Variants in SLC5A4 observed in about 807,000 individuals in gnomAD.
SLC5A4 encodes the protein probable glucose sensor protein SLC5A4.
In SLC5A4, 55 loss-of-function variants were observed where a neutral mutation model predicts 70.3. That is an observed-to-expected ratio of 0.78 (90% CI 0.63 to 0.98). SLC5A4 has a LOEUF of 0.98. SLC5A4 is among the 50% of genes least tolerant of loss of function. The probability of loss-of-function intolerance (pLI) is 0.00; values close to 1 mark genes in which losing one functional copy is unlikely to be tolerated. For synonymous variants in SLC5A4, 268 were observed against 305.7 expected, an observed-to-expected ratio of 0.88 and a Z score of 1.29; for missense variants, 735 against 839.2, an observed-to-expected ratio of 0.88 and a Z score of 1.53.
chr22:32,309,819 G>A, the SLC5A4 span, among the ~76,000 whole-genome samples: 2 of 151,830 alleles, frequency 1.3e-5, no homozygotes, highest in African/African-American at 4.8e-5. Context: ...GGCTTGTGGG[G>A]GTGACCTGCG....
In SLC5A4 at chr22:32,225,684, C is replaced by G. The variant is rs376783503; in HGVS notation, c.1420G>C (p.Ala474Pro). The change falls in exon 12 of 15, where the codon GCC becomes CCC. Residue 474 changes from alanine (A) to proline (P), a missense_variant. Physicochemically the swap from Ala to Pro is conservative, Grantham distance 27. Transcript: ENST00000266086. ...TCATTGACTCTTTTACAGAAGATGG[C>G]AAGCACAAAGACAGCTGCAATTGGA... Reference protein sequence around the residue: ...GPPIAAVFVLAIFCKRVNEQG... With the variant: ...GPPIAAVFVLPIFCKRVNEQG... 2.7e-5 allele frequency: 43 copies of G among 1,612,198 alleles called. No homozygotes were observed. Among genetic ancestry groups the G allele is most frequent in the Admixed American group, 1.2e-4 (7 of 59,652 alleles).
rs1925850180 is a variant in SLC5A4, at chr22:32,232,996, A to T, written c.924T>A (p.Ser308=). The T allele has an allele frequency of 1.2e-6, 2 of 1,614,148 alleles. No individual in the cohort carries two copies. The highest frequency in any genetic ancestry group is 1.7e-6 in the Non-Finnish European group (2 of 1,179,994). The change falls in exon 9 of 15, where the codon TCT becomes TCA. Residue 308 remains serine (S), a synonymous_variant. Coordinates refer to ENST00000266086, the MANE Select transcript of SLC5A4 (RefSeq NM_014227.3). ...ACATAATGCAAGCGGCCTTCACGTG[A>T]GACATGTCCTTGCCACACAGGCAGC... ...VQRCLCGKDM[S]HVKAACIMCA...
chr22:32,251,149 C>CAAAAA (rs1169115054), intron 3 of SLC5A4, among the ~76,000 whole-genome samples: 3 of 22,766 alleles, frequency 1.3e-4, no homozygotes, highest in Non-Finnish European at 2.5e-4. Flanking sequence ...AACAAATAAG[C>CAAAAA]AAAAAAAAAA....
At chr22:32,266,036 AG>A in the SLC5A4 span, among the ~76,000 whole-genome samples, 5 of 152,374 alleles carry the variant, frequency 3.3e-5, no homozygotes, top group East Asian at 9.6e-4. Context: ...AGGCCCCTAC[AG>A]GAAGAAACAC....
chr22:32,332,330 G>A, the SLC5A4 span, among the ~76,000 whole-genome samples: 2 of 152,216 alleles, frequency 1.3e-5, no homozygotes, highest in East Asian at 1.9e-4. Flanking sequence ...CCACCTGACT[G>A]CCCTTCAGAT....
intron 3 of SLC5A4, 107 bp from the exon 4 acceptor site, chr22:32,248,909 C>G (rs1208178614): frequency 2.7e-6 from 2 of 732,598 alleles, no homozygotes; most frequent in African/African-American, 1.8e-5. Context: ...AAAGTTGGCT[C>G]AATCCTGTCC....
chr22:32,307,553 G>A, the SLC5A4 span, among the ~76,000 whole-genome samples: 10 of 152,182 alleles, frequency 6.6e-5, no homozygotes, highest in Admixed American at 5.2e-4. Flanking sequence ...GGAAGTCCAT[G>A]TCATTGAATG....
chr22:32,328,307 G>C, the SLC5A4 span, among the ~76,000 whole-genome samples: 3 of 152,008 alleles, frequency 2.0e-5, no homozygotes, highest in African/African-American at 7.2e-5. Context: ...ACCCTCCTTT[G>C]GTACCCAAAG....
chr22:32,306,499 A>T, the SLC5A4 span, among the ~76,000 whole-genome samples: 1 of 145,454 alleles, frequency 6.9e-6, no homozygotes, highest in Non-Finnish European at 1.5e-5. Flanking sequence ...GTATATAAAG[A>T]CAAAAGAGCA....
upstream of SLC5A4, among the ~76,000 whole-genome samples, chr22:32,256,183 G>A (rs1451630856): frequency 6.6e-6 from 1 of 151,958 alleles, no homozygotes; most frequent in Admixed American, 6.6e-5. Flanking sequence ...TGATGCACAC[G>A]TATGGTCCCA....
chr22:32,313,617 G>A, the SLC5A4 span, among the ~76,000 whole-genome samples: 65,330 of 151,564 alleles, frequency 0.43, 14,298 homozygotes, highest in East Asian at 0.66. Flanking sequence ...GAGTCAAGTT[G>A]CAAACAAGAC....
the SLC5A4 span, among the ~76,000 whole-genome samples, chr22:32,281,981 T>A: frequency 6.6e-6 from 1 of 152,114 alleles, no homozygotes; most frequent in Non-Finnish European, 1.5e-5. Flanking sequence ...GTAGCTGGAA[T>A]TACAGGCATG....
chr22:32,249,290 A>G (rs1927009834), intron 3 of SLC5A4, among the ~76,000 whole-genome samples: 1 of 152,210 alleles, frequency 6.6e-6, no homozygotes, highest in Non-Finnish European at 1.5e-5. Flanking sequence ...TGAGGCAGAT[A>G]TGAGAAGCAC....
At chr22:32,309,486 A>G in the SLC5A4 span, among the ~76,000 whole-genome samples, 1 of 152,126 alleles carries the variant, frequency 6.6e-6, no homozygotes, top group Non-Finnish European at 1.5e-5. Flanking sequence ...GTAACTCTAG[A>G]AATCTATGCT....
At chr22:32,250,492 C>G (rs1927078246) in intron 3 of SLC5A4, among the ~76,000 whole-genome samples, 1 of 152,150 alleles carries the variant, frequency 6.6e-6, no homozygotes, top group African/African-American at 2.4e-5. Context: ...GCCTGGGGAA[C>G]AGAGCAAGGC....
the SLC5A4 span, among the ~76,000 whole-genome samples, chr22:32,266,647 G>T: frequency 6.6e-6 from 1 of 152,182 alleles, no homozygotes; most frequent in Non-Finnish European, 1.5e-5. Context: ...GGGTTTAGGG[G>T]CACTGAGCCC....
the SLC5A4 span, among the ~76,000 whole-genome samples, chr22:32,267,642 C>G: frequency 4.6e-3 from 695 of 152,154 alleles, 8 homozygotes; most frequent in African/African-American, 0.016. Context: ...CTGCACCCAG[C>G]CAACCTTTAA....
At chr22:32,347,021 A>G in the SLC5A4 span, among the ~76,000 whole-genome samples, 13 of 152,348 alleles carry the variant, frequency 8.5e-5, no homozygotes, top group East Asian at 2.5e-3. Flanking sequence ...AAAAACAAAC[A>G]ACCCCATCAA....
chr22:32,236,963 C>G (rs1242467665), intron 7 of SLC5A4, among the ~76,000 whole-genome samples: 2 of 152,122 alleles, frequency 1.3e-5, no homozygotes, highest in Non-Finnish European at 2.9e-5. Flanking sequence ...CTCGGCCTCC[C>G]AAAGTGCTGG....
Sources: allele counts gnomAD v4.1 joint callset (sites outside exome capture counted in the v4.1 genomes callset), GRCh38; gene constraint gnomAD v4.1.1; transcripts MANE v1.5; gene names NCBI Gene and HGNC (gene_info 2026-07-23, HGNC 2026-07-21).